Variants in ARMC3 observed in about 807,000 individuals in gnomAD.
ARMC3 encodes the protein armadillo repeat containing 3, also known as armadillo repeat-containing protein 3.
Under a neutral mutation model 90.3 loss-of-function variants are expected in ARMC3, and 74 were observed. The ratio of observed to expected loss-of-function variants is 0.82; its 90% CI spans 0.68 to 0.99. The LOEUF is 0.99. Among genes scored for constraint, ARMC3 ranks in the 50% least tolerant of loss-of-function variants. The pLI is 0.00. For synonymous variants in ARMC3, 334 were observed against 361.8 expected, an observed-to-expected ratio of 0.92 and a Z score of 0.87; for missense variants, 958 against 1,042.8, an observed-to-expected ratio of 0.92 and a Z score of 1.12.
intron 16 of ARMC3, among the ~76,000 whole-genome samples, chr10:23,027,164 G>T (rs565754009): frequency 2.6e-5 from 4 of 152,188 alleles, no homozygotes; most frequent in Non-Finnish European, 5.9e-5. Flanking sequence ...AGAAAAAACC[G>T]CTGGGATATT....
intron 10 of ARMC3, among the ~76,000 whole-genome samples, chr10:22,986,551 C>CAAAA (rs774609003): frequency 1.2e-5 from 1 of 85,736 alleles, no homozygotes; most frequent in Non-Finnish European, 2.5e-5. Flanking sequence ...GACTCCATCT[C>CAAAA]AAAAAAAAAA....
chr10:23,006,159 G>T (rs571237826), intron 13 of ARMC3, among the ~76,000 whole-genome samples: 199 of 152,282 alleles, frequency 1.3e-3, no homozygotes, highest in African/African-American at 4.5e-3. Context: ...GTGAATATAT[G>T]TTTGGCATGT....
chr10:22,928,515 GAAAAAAAAA>G (rs111969562), intron 1 of ARMC3, among the ~76,000 whole-genome samples: 1 of 148,760 alleles, frequency 6.7e-6, no homozygotes, highest in Non-Finnish European at 1.5e-5. Flanking sequence ...ATCAACTCGT[GAAAAAAAAA>G]ATGGCTCCAG....
rs78860268 is a variant in ARMC3 at position 22,941,415 on chromosome 10, G to A, written c.49-4729G>A. On this transcript the variant is annotated intron_variant, in intron 2 of 18. Transcript: ENST00000298032. ...GCTGGATTCAAAAGAAGTAAAGGAA[G>A]AATTTAGTTGACAGGGAGGAGTTGA... 5.2e-3 allele frequency among the ~76,000 whole-genome samples: 789 copies of A among 152,238 alleles called. 5 individuals are homozygous for A. Among genetic ancestry groups the A allele is most frequent in the Middle Eastern group, 0.014 (4 of 294 alleles).
chr10:22,939,840 C>T (rs1239939946), intron 2 of ARMC3, among the ~76,000 whole-genome samples: 2 of 151,832 alleles, frequency 1.3e-5, no homozygotes, highest in African/African-American at 2.4e-5. Context: ...CTAAAAAAAC[C>T]CAATCAACTG....
At chr10:22,962,536 C>G (rs1364454316) in intron 7 of ARMC3, among the ~76,000 whole-genome samples, 1 of 152,150 alleles carries the variant, frequency 6.6e-6, no homozygotes, top group African/African-American at 2.4e-5. Context: ...TATTGAAAAC[C>G]GTTTAATTGA....
At chr10:22,959,373 T>A (rs1421727094) in intron 5 of ARMC3, 26 bp from the exon 6 acceptor site, 2 of 1,579,304 alleles carry the variant, frequency 1.3e-6, no homozygotes, top group Non-Finnish European at 8.6e-7. Context: ...GTTGGCATAC[T>A]TGTGTTATTT....
rs566780402 is a variant in ARMC3, at chr10:22,964,324, T to C, written c.732+2246T>C. The stretch of plus-strand genomic sequence containing the variant: ...TGTCAGTTTCCACTTAATTACCTTT[T>C]GATTAGTTTTCAATTATCATATGAT... On this transcript the variant is annotated intron_variant, in intron 7 of 18. Transcript: ENST00000298032. Among the ~76,000 whole-genome samples, 110 of 152,322 alleles carry C rather than the reference T, an allele frequency of 7.2e-4. No individual in the cohort carries two copies. The South Asian group carries it at 9.3e-3, about 13-fold the overall frequency.
chr10:22,958,457 A>G (rs1398698106), intron 4 of ARMC3, among the ~76,000 whole-genome samples: 1 of 152,152 alleles, frequency 6.6e-6, no homozygotes, highest in Non-Finnish European at 1.5e-5. Flanking sequence ...ACAATAAATA[A>G]ACGTAGGGCA....
intron 8 of ARMC3, among the ~76,000 whole-genome samples, chr10:22,974,750 C>A (rs1056306728): frequency 6.6e-5 from 10 of 152,110 alleles, no homozygotes; most frequent in African/African-American, 2.4e-4. Flanking sequence ...CCAAGTGATT[C>A]TCTTGCCCCA....
At chr10:23,005,437 T>C (rs916451876) in intron 13 of ARMC3, among the ~76,000 whole-genome samples, 5 of 152,152 alleles carry the variant, frequency 3.3e-5, no homozygotes, top group Non-Finnish European at 7.4e-5. Flanking sequence ...TTGTTATAAG[T>C]TTCGGATATT....
intron 8 of ARMC3, among the ~76,000 whole-genome samples, chr10:22,975,419 G>A (rs1455116501): frequency 6.6e-6 from 1 of 152,064 alleles, no homozygotes; most frequent in East Asian, 1.9e-4. Flanking sequence ...AAAAAAATTA[G>A]CCAGGTGTAG....
intron 10 of ARMC3, 68 bp downstream of exon 10, chr10:22,981,768 T>A: frequency 7.6e-7 from 1 of 1,316,574 alleles, no homozygotes; most frequent in Non-Finnish European, 1.1e-6. Context: ...GTTCTCCTGT[T>A]AGTATATTGA....
At position 22,940,373 on chromosome 10, in the gene ARMC3, T is replaced by C. The variant is rs576450325; in HGVS notation, c.49-5771T>C. 3.3e-5 allele frequency among the ~76,000 whole-genome samples: 5 copies of C among 152,324 alleles called. No individual in the cohort carries two copies. In the East Asian group the frequency reaches 7.7e-4, roughly 23 times the overall value. ...TATATGCTGAAAACTATAAAACATT[T>C]CTGAGACAAATTAACTAAGACCTAA... On this transcript the variant is annotated intron_variant, in intron 2 of 18. Transcript: ENST00000298032.
chr10:23,005,469 G>C (rs1020476654), intron 13 of ARMC3, among the ~76,000 whole-genome samples: 2 of 152,178 alleles, frequency 1.3e-5, no homozygotes, highest in Admixed American at 1.3e-4. Context: ...ATACGTCAGT[G>C]AACAAAGGAG....
chr10:23,024,865 C>A (rs945384578), intron 16 of ARMC3, among the ~76,000 whole-genome samples: 1 of 152,150 alleles, frequency 6.6e-6, no homozygotes, highest in African/African-American at 2.4e-5. Context: ...ACTTCAAATT[C>A]ATTTGACATA....
rs555648345 is a variant in ARMC3 at position 23,006,718 on chromosome 10, G to A, written c.1732-166G>A. ...TGCCCAAAGGCAAGAACATCCACAA[G>A]CTTCAGGTTCCTATTTCTAATTTTA... On this transcript the variant is annotated intron_variant, in intron 13 of 18. Coordinates refer to ENST00000298032, the MANE Select transcript of ARMC3 (RefSeq NM_173081.5). 2.7e-5 allele frequency: 16 copies of A among 590,170 alleles called. No homozygotes were observed. In the East Asian group the frequency reaches 4.6e-4, roughly 17 times the overall value. 36.6% of individuals were successfully genotyped at this position (590,170 alleles called of 1,614,324 possible).
At chr10:22,975,315 G>A (rs1476667125) in intron 8 of ARMC3, among the ~76,000 whole-genome samples, 1 of 152,188 alleles carries the variant, frequency 6.6e-6, no homozygotes, top group Non-Finnish European at 1.5e-5. Flanking sequence ...AGCGGTTTGG[G>A]AGGCCGAGGC....
At chr10:22,970,238 C>T (rs982549554) in intron 8 of ARMC3, among the ~76,000 whole-genome samples, 5 of 151,998 alleles carry the variant, frequency 3.3e-5, no homozygotes, top group African/African-American at 1.2e-4. Context: ...ATTGTCTGGT[C>T]AAAGAAGGTT....
Sources: allele counts gnomAD v4.1 joint callset (sites outside exome capture counted in the v4.1 genomes callset), GRCh38; gene constraint gnomAD v4.1.1; transcripts MANE v1.5; gene names NCBI Gene and HGNC (gene_info 2026-07-23, HGNC 2026-07-21).